The following AUTS2 variants were observed in gnomAD, a reference collection of about 807,000 sequenced individuals.
AUTS2 encodes autism susceptibility gene 2 protein.
A neutral mutation model predicts 112.4 loss-of-function variants in AUTS2; 17 were observed. The observed-to-expected ratio is 0.15, with a 90% CI of 0.10 to 0.23. The LOEUF (loss-of-function observed/expected upper bound fraction) is 0.23. Ranked by LOEUF, AUTS2 falls within the 10% of genes least tolerant of loss-of-function variation. AUTS2 has a pLI of 1.00. For synonymous variants in AUTS2, 751 were observed against 702.7 expected (o/e 1.07, Z -1.09); for missense variants, 1,510 against 1,701.6 (o/e 0.89, Z 1.98).
At chr7:70,677,931 A>G (rs1808003381) in intron 5 of AUTS2, among the ~76,000 whole-genome samples, 1 of 152,008 alleles carries the variant, frequency 6.6e-6, no homozygotes, top group South Asian at 2.1e-4. Context: ...AAAATACAAA[A>G]AATTAGCCAG....
chr7:70,653,088 C>T (rs1250798310), intron 5 of AUTS2, among the ~76,000 whole-genome samples: 1 of 152,022 alleles, frequency 6.6e-6, no homozygotes, highest in Non-Finnish European at 1.5e-5. Context: ...GACTCTATCT[C>T]TACAAAAAAA....
intron 4 of AUTS2, among the ~76,000 whole-genome samples, chr7:70,231,446 T>C (rs1046453627): frequency 2.0e-5 from 3 of 152,124 alleles, no homozygotes; most frequent in Non-Finnish European, 4.4e-5. Flanking sequence ...TTTTTGTTTT[T>C]TGTTTTTTGT....
intron 4 of AUTS2, among the ~76,000 whole-genome samples, chr7:70,318,476 C>T (rs1023074919): frequency 1.3e-5 from 2 of 152,104 alleles, no homozygotes; most frequent in Non-Finnish European, 2.9e-5. Context: ...TAAGAACCTA[C>T]AAACCTAACA....
At chr7:70,205,230 T>G (rs1481609156) in intron 4 of AUTS2, among the ~76,000 whole-genome samples, 1 of 152,080 alleles carries the variant, frequency 6.6e-6, no homozygotes, top group Non-Finnish European at 1.5e-5. Context: ...TTATTTTTTG[T>G]AGACATGGGA....
At chr7:69,685,321 C>T (rs533296298) in intron 1 of AUTS2, among the ~76,000 whole-genome samples, 7 of 152,288 alleles carry the variant, frequency 4.6e-5, no homozygotes, top group Admixed American at 3.9e-4. Context: ...CAGTTCTAGA[C>T]GTTTCTGTGA....
intron 4 of AUTS2, among the ~76,000 whole-genome samples, chr7:70,275,107 T>A (rs889948295): frequency 6.6e-6 from 1 of 152,192 alleles, no homozygotes; most frequent in African/African-American, 2.4e-5. Flanking sequence ...TGAAGTACAG[T>A]GGCACAATCA....
intron 1 of AUTS2, among the ~76,000 whole-genome samples, chr7:69,793,483 G>A (rs1209821065): frequency 6.6e-6 from 1 of 152,168 alleles, no homozygotes; most frequent in East Asian, 1.9e-4. Context: ...CAGACTTAGT[G>A]TAACCTGTGA....
chr7:70,070,363 A>T (rs931051449), intron 2 of AUTS2, among the ~76,000 whole-genome samples: 36 of 150,960 alleles, frequency 2.4e-4, no homozygotes, highest in African/African-American at 8.8e-4. Flanking sequence ...ACCTGAGGTC[A>T]AGAGTTTGAG....
intron 5 of AUTS2, among the ~76,000 whole-genome samples, chr7:70,463,657 C>G (rs532398760): frequency 6.6e-6 from 1 of 152,198 alleles, no homozygotes; most frequent in South Asian, 2.1e-4. Context: ...CTGCCCTTCC[C>G]CAAGTCTTCA....
At chr7:69,969,772 T>TGA (rs1313281747) in intron 2 of AUTS2, among the ~76,000 whole-genome samples, 1 of 152,206 alleles carries the variant, frequency 6.6e-6, no homozygotes, top group African/African-American at 2.4e-5. Flanking sequence ...AATTCCTCTC[T>TGA]TGATTGTCAA....
intron 2 of AUTS2, among the ~76,000 whole-genome samples, chr7:70,101,939 A>G (rs1482980304): frequency 2.6e-5 from 4 of 152,158 alleles, no homozygotes; most frequent in African/African-American, 7.2e-5. Context: ...GACAGATATC[A>G]TAAGTAAAAT....
chr7:69,716,760 C>G (rs930978201), intron 1 of AUTS2, among the ~76,000 whole-genome samples: 1 of 152,080 alleles, frequency 6.6e-6, no homozygotes, highest in Non-Finnish European at 1.5e-5. Flanking sequence ...AGCTATTAAT[C>G]GGGGTTCTCA....
At chr7:70,120,246 C>G (rs768843712) in intron 3 of AUTS2, 16 of 152,046 alleles carry the variant, frequency 1.1e-4, no homozygotes, top group Non-Finnish European at 1.8e-4. Context: ...TGTATTCTTA[C>G]AGGAATTAAA....
chr7:70,426,843 A>G (rs919492943), intron 4 of AUTS2, among the ~76,000 whole-genome samples: 4 of 149,980 alleles, frequency 2.7e-5, no homozygotes, highest in African/African-American at 7.6e-5. Flanking sequence ...GGTGATTTCT[A>G]TGGATCACAA....
chr7:70,717,917 C>G (rs1473012885), intron 6 of AUTS2, among the ~76,000 whole-genome samples: 1 of 152,228 alleles, frequency 6.6e-6, no homozygotes, highest in East Asian at 1.9e-4. Context: ...GCGCCACCTG[C>G]CAACCACAGT....
chr7:69,780,967 G>A (rs182615187), intron 1 of AUTS2, among the ~76,000 whole-genome samples: 58 of 152,308 alleles, frequency 3.8e-4, no homozygotes, highest in Non-Finnish European at 6.8e-4. Context: ...CTATAAATTA[G>A]AATTATAGTT....
chr7:69,601,787 GTCTC>G (rs1295534251), intron 1 of AUTS2, among the ~76,000 whole-genome samples: 1 of 151,998 alleles, frequency 6.6e-6, no homozygotes, highest in Admixed American at 6.6e-5. Flanking sequence ...ACCTCTTTCT[GTCTC>G]TCTCTCTTGT....
At chr7:70,196,102 G>A (rs991692936) in intron 4 of AUTS2, among the ~76,000 whole-genome samples, 2 of 152,138 alleles carry the variant, frequency 1.3e-5, no homozygotes, top group East Asian at 1.9e-4. Flanking sequence ...TTTTTATCCT[G>A]TAGGAGGAAA....
intron 4 of AUTS2, among the ~76,000 whole-genome samples, chr7:70,334,899 G>A (rs1442734344): frequency 6.6e-6 from 1 of 152,146 alleles, no homozygotes; most frequent in East Asian, 1.9e-4. Flanking sequence ...CCAGCCAACA[G>A]CTAGTGTCAG....
Sources: gnomAD v4.1 joint callset for allele counts (sites outside exome capture counted in the v4.1 genomes callset) on GRCh38, gnomAD v4.1.1 for gene constraint, MANE v1.5 for transcripts, NCBI Gene and HGNC (gene_info 2026-07-23, HGNC 2026-07-21) for gene names.